Variants in CADPS observed in about 807,000 individuals in gnomAD.
CADPS encodes the protein calcium-dependent secretion activator 1.
A neutral mutation model predicts 167.3 loss-of-function variants in CADPS; 57 were observed. The observed-to-expected ratio is 0.34, with a 90% CI of 0.28 to 0.42. CADPS has a LOEUF of 0.42. Among genes scored for constraint, CADPS ranks in the 20% least tolerant of loss-of-function variants. The pLI is 1.00. For synonymous variants in CADPS, 676 were observed against 635.3 expected (o/e 1.06, Z -0.96); for missense variants, 1,414 against 1,738.1 (o/e 0.81, Z 3.32).
At chr3:62,811,861 A>C (rs1057376246) in intron 1 of CADPS, among the ~76,000 whole-genome samples, 2 of 152,208 alleles carry the variant, frequency 1.3e-5, no homozygotes, top group Admixed American at 1.3e-4. Context: ...ATTATGTGGG[A>C]GTATGAATTA....
chr3:62,460,059 T>A (rs2059147717), intron 26 of CADPS, among the ~76,000 whole-genome samples: 1 of 152,178 alleles, frequency 6.6e-6, no homozygotes, highest in South Asian at 2.1e-4. Context: ...TGTGTATATA[T>A]GGGGAATAAC....
At chr3:62,786,810 A>T (rs1375288081) in intron 1 of CADPS, among the ~76,000 whole-genome samples, 1 of 152,024 alleles carries the variant, frequency 6.6e-6, no homozygotes, top group Admixed American at 6.5e-5. Flanking sequence ...TGAAACATTT[A>T]TTGAATAATA....
chr3:62,462,321 G>A (rs949053458), intron 26 of CADPS, among the ~76,000 whole-genome samples: 2 of 152,264 alleles, frequency 1.3e-5, no homozygotes, highest in African/African-American at 4.8e-5. Flanking sequence ...GCACGAAGAA[G>A]CCACATCTCA....
chr3:62,743,681 T>A (rs1201781269), intron 3 of CADPS, among the ~76,000 whole-genome samples: 3 of 152,284 alleles, frequency 2.0e-5, no homozygotes, highest in Middle Eastern at 3.4e-3. Context: ...TTAACTATGT[T>A]TTTAAAAATT....
chr3:62,429,469 A>G (rs1217757337), intron 28 of CADPS, among the ~76,000 whole-genome samples: 1 of 152,240 alleles, frequency 6.6e-6, no homozygotes, highest in Non-Finnish European at 1.5e-5. Context: ...AAATCTTTTG[A>G]TAGCCTATCT....
chr3:62,401,381 T>C (rs188872015), intron 29 of CADPS, among the ~76,000 whole-genome samples: 1 of 152,360 alleles, frequency 6.6e-6, no homozygotes, highest in African/African-American at 2.4e-5. Flanking sequence ...TCTCAATGCC[T>C]AAGTGCAGAG....
At position 62,398,396 on chromosome 3, in the gene CADPS, C is replaced by T. The variant is rs1704821200; in HGVS notation, c.*1010G>A. 2 of 152,620 alleles carry T rather than the reference C, an allele frequency of 1.3e-5. No homozygotes were observed. Among genetic ancestry groups the T allele is most frequent in the African/African-American group, 4.8e-5 (2 of 41,438 alleles). 9.5% of individuals were successfully genotyped at this position (152,620 alleles called of 1,614,324 possible). A position where few individuals can be genotyped will look rare whatever the true frequency, so the allele number is the denominator to read the frequency against. ...TATTGAGAAGCCACAGTTTTCCACACTTCCATAACTGTAGGCTTTATATAA... is the reference window on the plus strand; with the variant it reads ...TATTGAGAAGCCACAGTTTTCCACATTTCCATAACTGTAGGCTTTATATAA... On this transcript the variant is annotated 3_prime_UTR_variant, in exon 30 of 30. Coordinates refer to ENST00000383710, the MANE Select transcript of CADPS (RefSeq NM_003716.4).
At chr3:62,431,752 G>A (rs1247338316) in intron 28 of CADPS, among the ~76,000 whole-genome samples, 2 of 151,728 alleles carry the variant, frequency 1.3e-5, no homozygotes, top group Non-Finnish European at 2.9e-5. Flanking sequence ...GGACAAGTGG[G>A]TAATTTTGAA....
intron 18 of CADPS, chr3:62,498,271 T>A: frequency 2.3e-6 from 1 of 427,002 alleles, no homozygotes; most frequent in South Asian, 1.7e-5. Flanking sequence ...ATTATTTAAC[T>A]ATACTGGCAA....
chr3:62,734,910 C>T (rs570791668), intron 3 of CADPS, among the ~76,000 whole-genome samples: 1 of 152,164 alleles, frequency 6.6e-6, no homozygotes, highest in Admixed American at 6.6e-5. Context: ...TGAAACATGG[C>T]TATTTGTAAA....
chr3:62,626,828 A>C (rs2064176158), intron 6 of CADPS, among the ~76,000 whole-genome samples: 1 of 152,200 alleles, frequency 6.6e-6, no homozygotes, highest in African/African-American at 2.4e-5. Flanking sequence ...TAAAACAAAT[A>C]ATAGTATCAA....
intron 21 of CADPS, among the ~76,000 whole-genome samples, chr3:62,486,021 T>A (rs1434969091): frequency 6.6e-6 from 1 of 152,200 alleles, no homozygotes; most frequent in Non-Finnish European, 1.5e-5. Context: ...GCCACCTGCA[T>A]ATTGCTAAGG....
chr3:62,875,038 C>G lies in CADPS; in HGVS notation c.-9G>C. On this transcript the variant is annotated 5_prime_UTR_variant, in exon 1 of 30. Transcript: ENST00000383710. ...GACGAAGGGTCCAGCATAGTGGCGC[C>G]TGGGGAGCGGGGTCTCTGGAGCCCC... The G allele has an allele frequency of 6.3e-7, 1 of 1,581,274 alleles. No individual in the cohort carries two copies. Among genetic ancestry groups the G allele is most frequent in the Non-Finnish European group, 8.6e-7 (1 of 1,163,668 alleles).
intron 21 of CADPS, among the ~76,000 whole-genome samples, chr3:62,483,317 G>A (rs1576633215): frequency 1.4e-5 from 2 of 140,334 alleles, no homozygotes; most frequent in Admixed American, 7.2e-5. Context: ...TGGGGGAGTA[G>A]GGGAGTAGGG....
At chr3:62,794,955 C>G (rs572868516) in intron 1 of CADPS, among the ~76,000 whole-genome samples, 1 of 152,148 alleles carries the variant, frequency 6.6e-6, no homozygotes, top group East Asian at 1.9e-4. Flanking sequence ...ATCACTGTCT[C>G]TTTGCCAGAG....
At chr3:62,699,005 T>C (rs989300043) in intron 3 of CADPS, among the ~76,000 whole-genome samples, 2 of 151,848 alleles carry the variant, frequency 1.3e-5, no homozygotes, top group Non-Finnish European at 2.9e-5. Flanking sequence ...ACAGGTGGTG[T>C]TTGGTTACAT....
In CADPS at chr3:62,658,590, A is replaced by G. The variant is rs79906351; in HGVS notation, c.969+3724T>C. Among the ~76,000 whole-genome samples, 1,277 of 152,242 alleles carry G rather than the reference A, an allele frequency of 8.4e-3. 16 individuals carry two copies. Among genetic ancestry groups the G allele is most frequent in the African/African-American group, 0.029 (1,191 of 41,552 alleles). On this transcript the variant is annotated intron_variant, in intron 4 of 29. Transcript: ENST00000383710. The stretch of plus-strand genomic sequence containing the variant: ...TAGGTTGTTGGAGGGTTAGATTCTC[A>G]GATGTAAAATGCTTAAAAGAGTATC...
Position 62,420,068 on chromosome 3 carries a change from A to G in CADPS, c.3778-16883T>C, listed in dbSNP as rs1043448431. 3.3e-5 allele frequency among the ~76,000 whole-genome samples: 5 copies of G among 152,200 alleles called. No homozygotes were observed. Among genetic ancestry groups the G allele is most frequent in the Non-Finnish European group, 7.3e-5 (5 of 68,042 alleles). ...CTCTCAACATACAAAAGCATGGTCT[A>G]TGTATGTACATAATTTCCAGGCTAT... is the stretch of plus-strand genomic sequence containing the variant. On this transcript the variant is annotated intron_variant, in intron 28 of 29. Transcript: ENST00000383710. This position sits in a 1 kb window ranked among gnomAD's most constrained non-coding sequence, Gnocchi z 4.1.
intron 1 of CADPS, among the ~76,000 whole-genome samples, chr3:62,792,356 C>T (rs2093023715): frequency 6.6e-6 from 1 of 151,812 alleles, no homozygotes; most frequent in South Asian, 2.1e-4. Flanking sequence ...GGCATGCACC[C>T]CCATGCCTGG....
Sources: gnomAD v4.1 joint callset for allele counts (sites outside exome capture counted in the v4.1 genomes callset) on GRCh38, gnomAD v4.1.1 for gene constraint, Gnocchi (gnomAD v3.1) non-coding constraint, MANE v1.5 for transcripts, NCBI Gene and HGNC (gene_info 2026-07-23, HGNC 2026-07-21) for gene names.